AIG1: variants seen among roughly 807,000 people sequenced by gnomAD.
AIG1 encodes the protein androgen induced 1.
AIG1 carries 23 observed loss-of-function variants against 31.4 expected under a neutral mutation model. The observed-to-expected ratio is 0.73, with a 90% CI of 0.53 to 1.04. The LOEUF is 1.04. Ranked by LOEUF, AIG1 falls within the 50% of genes least tolerant of loss-of-function variation. The pLI, the probability that AIG1 is intolerant of heterozygous loss-of-function variation, is 0.00. For synonymous variants in AIG1, 100 were observed against 110.5 expected (o/e 0.90, Z 0.60); for missense variants, 274 against 295.0 (o/e 0.93, Z 0.52).
intron 2 of AIG1, among the ~76,000 whole-genome samples, chr6:143,163,050 C>T (rs1049557980): frequency 6.6e-6 from 1 of 152,140 alleles, no homozygotes; most frequent in African/African-American, 2.4e-5. Context: ...AGGATCAGAG[C>T]AGATCAGAGT....
chr6:143,278,328 T>TA (rs1387137975), intron 3 of AIG1, among the ~76,000 whole-genome samples: 1 of 152,240 alleles, frequency 6.6e-6, no homozygotes, highest in Non-Finnish European at 1.5e-5. Flanking sequence ...CAAGATAATT[T>TA]ATGTAGCACG....
Position 143,268,162 on chromosome 6 carries a change from G to A in AIG1, c.400-15948G>A, listed in dbSNP as rs1451752724. On this transcript the variant is annotated intron_variant, in intron 3 of 5. Transcript: ENST00000357847. The surrounding 1 kb of genome is among the most constrained non-coding windows in gnomAD (Gnocchi z 5.0). ...GGAAATAAAGCCATTTAAAATATTG[G>A]TCTGTGGGTGAAAATGACAAAACAT... Among the ~76,000 whole-genome samples, 1 of 152,086 alleles carries A rather than the reference G, an allele frequency of 6.6e-6. No individual in the cohort carries two copies. Among genetic ancestry groups the A allele is most frequent in the Non-Finnish European group, 1.5e-5 (1 of 68,026 alleles).
chr6:143,218,225 G>T (rs898472676), intron 3 of AIG1, among the ~76,000 whole-genome samples: 4 of 152,042 alleles, frequency 2.6e-5, no homozygotes, highest in African/African-American at 9.7e-5. Flanking sequence ...CTTTACTCTC[G>T]TTTGAAGAGA....
In AIG1 at chr6:143,221,663, A is replaced by G. The variant is rs865776182; in HGVS notation, c.399+56480A>G. On this transcript the variant is annotated intron_variant, in intron 3 of 5. Transcript: ENST00000357847. Reference sequence around the variant, plus strand: ...ATAGCATAGGCCCTCTTTTCTTGTAATACATTTCATGCATTTTCTTCATTT... The same window carrying G: ...ATAGCATAGGCCCTCTTTTCTTGTAGTACATTTCATGCATTTTCTTCATTT... Among the ~76,000 whole-genome samples, 5 of 152,266 alleles carry G rather than the reference A, an allele frequency of 3.3e-5. No homozygotes were observed. The South Asian group carries it at 1.0e-3, about 32-fold the overall frequency.
At chr6:143,335,117 C>A in intron 5 of AIG1, 2 of 1,428,686 alleles carry the variant, frequency 1.4e-6, no homozygotes, top group South Asian at 1.7e-5. Context: ...TGTTTTGTGC[C>A]AAGTAAGTAT....
chr6:143,316,833 T>C (rs1775787269), intron 4 of AIG1, among the ~76,000 whole-genome samples: 1 of 152,014 alleles, frequency 6.6e-6, no homozygotes, highest in Non-Finnish European at 1.5e-5. Context: ...ATATTACAAC[T>C]GATACCACAG....
At chr6:143,182,845 TTC>T (rs1458719488) in intron 3 of AIG1, among the ~76,000 whole-genome samples, 1 of 152,222 alleles carries the variant, frequency 6.6e-6, no homozygotes, top group Non-Finnish European at 1.5e-5. Context: ...TTTTCTCTTG[TTC>T]TCTTTTTCTC....
intron 3 of AIG1, among the ~76,000 whole-genome samples, chr6:143,220,835 T>G (rs1364050378): frequency 6.6e-6 from 1 of 152,226 alleles, no homozygotes; most frequent in African/African-American, 2.4e-5. Flanking sequence ...TTAAAAGTTC[T>G]TTCTTATCTT....
intron 1 of AIG1, among the ~76,000 whole-genome samples, chr6:143,069,998 G>A (rs1174806269): frequency 6.6e-6 from 1 of 152,150 alleles, no homozygotes; most frequent in African/African-American, 2.4e-5. Flanking sequence ...GACTACATTT[G>A]TGTGTCTGTT....
chr6:143,184,403 G>C (rs1489878018), intron 3 of AIG1, among the ~76,000 whole-genome samples: 1 of 152,158 alleles, frequency 6.6e-6, no homozygotes, highest in Non-Finnish European at 1.5e-5. Context: ...CAGCTACCCC[G>C]TGGGCATCAC....
chr6:143,321,380 C>G (rs558348515), intron 4 of AIG1, among the ~76,000 whole-genome samples: 1 of 151,950 alleles, frequency 6.6e-6, no homozygotes, highest in African/African-American at 2.4e-5. Context: ...CGGGTGATCA[C>G]TTGAGGCCAG....
downstream of AIG1, chr6:143,343,359 C>G (rs980941697): frequency 1.7e-6 from 1 of 581,568 alleles, no homozygotes; most frequent in African/African-American, 1.9e-5. Flanking sequence ...TAATGCCCCC[C>G]CAAACAAGAG....
At chr6:143,078,720 C>T (rs1777947799) in intron 1 of AIG1, among the ~76,000 whole-genome samples, 1 of 152,124 alleles carries the variant, frequency 6.6e-6, no homozygotes. Flanking sequence ...AAACCACCCC[C>T]ATGATTCAAT....
rs1171730033 is a variant in AIG1 at position 143,136,728 on chromosome 6, G to A, written c.142-107G>A. ...GAGCAGCTCTTTAAAATATGCTTCT[G>A]ATCCTTTCTTATTAGATGTCATGTT... is the stretch of plus-strand genomic sequence containing the variant. On this transcript the variant is annotated intron_variant, in intron 1 of 5. Coordinates refer to ENST00000357847, the MANE Select transcript of AIG1 (RefSeq NM_016108.4). 5 of 1,072,048 alleles carry A rather than the reference G, an allele frequency of 4.7e-6. 1 individual carries two copies. The East Asian group carries it at 1.4e-4, about 31-fold the overall frequency. The allele number at this position is 1,072,048 out of a possible 1,614,324, so 66.4% of individuals were successfully genotyped here.
rs147375940 is a variant in AIG1 at position 143,158,734 on chromosome 6, A to G, written c.298-6348A>G. ...AAAGAAGGAGATTTCTTCCTTACAC[A>G]CAGAAGGACAAAAATCCACAGGGAA... On this transcript the variant is annotated intron_variant, in intron 2 of 5. Coordinates refer to ENST00000357847, the MANE Select transcript of AIG1 (RefSeq NM_016108.4). 4.0e-3 allele frequency among the ~76,000 whole-genome samples: 612 copies of G among 152,288 alleles called. 5 individuals carry two copies. Among genetic ancestry groups the G allele is most frequent in the African/African-American group, 0.014 (570 of 41,564 alleles).
intron 5 of AIG1, chr6:143,339,068 T>C (rs1297303001): frequency 2.0e-5 from 3 of 152,184 alleles, no homozygotes; most frequent in Admixed American, 6.5e-5. Context: ...TCTACCAGGA[T>C]TGGGTTGAAT....
In AIG1 at chr6:143,284,437, C is replaced by G. The variant is rs906470610; in HGVS notation, c.515+212C>G. Among the ~76,000 whole-genome samples the G allele has an allele frequency of 6.6e-6, 1 of 152,166 alleles. No homozygotes were observed. The highest frequency in any genetic ancestry group is 1.5e-5 in the Non-Finnish European group (1 of 68,040). Reference sequence around the variant, plus strand: ...ACAACAGGAATTTGTTGAACAATCCCATGTAAGCAGTGGTTCTTCCAAGGC... The same window carrying G: ...ACAACAGGAATTTGTTGAACAATCCGATGTAAGCAGTGGTTCTTCCAAGGC... On this transcript the variant is annotated intron_variant, in intron 4 of 5. Transcript: ENST00000357847. This position sits in a 1 kb window ranked among gnomAD's most constrained non-coding sequence, Gnocchi z 4.4.
downstream of AIG1, chr6:143,343,379 A>G (rs1777895424): frequency 1.8e-6 from 1 of 568,740 alleles, no homozygotes. Flanking sequence ...GGTGGCTCTA[A>G]GTAAAACTGG....
intron 1 of AIG1, among the ~76,000 whole-genome samples, chr6:143,079,576 C>T (rs1379428017): frequency 2.0e-5 from 3 of 152,114 alleles, no homozygotes. Flanking sequence ...TGGGCTGGCA[C>T]CAGAAGCCTA....
Sources: allele counts gnomAD v4.1 joint callset (sites outside exome capture counted in the v4.1 genomes callset), GRCh38; gene constraint gnomAD v4.1.1; non-coding constraint Gnocchi (gnomAD v3.1); transcripts MANE v1.5; gene names NCBI Gene and HGNC (gene_info 2026-07-23, HGNC 2026-07-21).